The following CAP2 variants were observed in gnomAD, a reference collection of about 807,000 sequenced individuals.
The protein encoded by CAP2 is adenylyl cyclase-associated protein 2.
CAP2 carries 24 observed loss-of-function variants against 57.7 expected under a neutral mutation model. The ratio of observed to expected loss-of-function variants is 0.42; its 90% confidence interval spans 0.30 to 0.58. CAP2 has a LOEUF of 0.58. CAP2 is among the 20% of genes least tolerant of loss of function. The pLI is 0.22. For missense variants in CAP2, 501 were observed against 590.3 expected (o/e 0.85, Z 1.57); for synonymous variants, 194 against 207.2 (o/e 0.94, Z 0.55).
At chr6:17,545,935 T>G (rs1362183737) in intron 11 of CAP2, among the ~76,000 whole-genome samples, 1 of 152,228 alleles carries the variant, frequency 6.6e-6, no homozygotes, top group Non-Finnish European at 1.5e-5. Flanking sequence ...CTTAATCCAG[T>G]CTATCATTGT....
At chr6:17,554,458 A>C (rs1452495282) in intron 12 of CAP2, among the ~76,000 whole-genome samples, 1 of 152,018 alleles carries the variant, frequency 6.6e-6, no homozygotes, top group Non-Finnish European at 1.5e-5. Context: ...GGGTCTCGCT[A>C]TGTTGCCCAG....
At chr6:17,410,992 C>A (rs1227476841) in intron 1 of CAP2, among the ~76,000 whole-genome samples, 2 of 152,278 alleles carry the variant, frequency 1.3e-5, no homozygotes, top group Admixed American at 1.3e-4. Flanking sequence ...AACCTACTTT[C>A]TGTCTCTATA....
chr6:17,400,170 G>C (rs1354326295), intron 1 of CAP2, among the ~76,000 whole-genome samples: 3 of 152,106 alleles, frequency 2.0e-5, no homozygotes, highest in African/African-American at 7.2e-5. Flanking sequence ...AGGTTGCAGT[G>C]AGCCAAGATC....
chr6:17,469,269 C>A (rs1760952194), intron 4 of CAP2, among the ~76,000 whole-genome samples: 1 of 152,214 alleles, frequency 6.6e-6, no homozygotes, highest in Non-Finnish European at 1.5e-5. Flanking sequence ...AGAGAAGCAC[C>A]CGGAGGGTGG....
chr6:17,524,031 G>A (rs533254847), intron 7 of CAP2, among the ~76,000 whole-genome samples: 88 of 147,058 alleles, frequency 6.0e-4, no homozygotes, highest in African/African-American at 2.2e-3. Context: ...AGCTGAGATC[G>A]CGCCACTGCA....
At chr6:17,424,432 AATCC>A (rs1365392363) in intron 2 of CAP2, among the ~76,000 whole-genome samples, 3 of 152,312 alleles carry the variant, frequency 2.0e-5, no homozygotes, top group East Asian at 3.9e-4. Context: ...GAAGGAACAT[AATCC>A]CTTACAAATG....
At chr6:17,501,350 T>C (rs1273034232) in intron 4 of CAP2, among the ~76,000 whole-genome samples, 2 of 152,244 alleles carry the variant, frequency 1.3e-5, no homozygotes, top group Non-Finnish European at 2.9e-5. Flanking sequence ...ACACCAACTT[T>C]TAGCACTACT....
chr6:17,410,637 A>G (rs540170336), intron 1 of CAP2, among the ~76,000 whole-genome samples: 25 of 151,504 alleles, frequency 1.7e-4, no homozygotes, highest in African/African-American at 5.1e-4. Context: ...GGCTCACTGC[A>G]AGGTCTGCCT....
At position 17,428,012 on chromosome 6, in the gene CAP2, C is replaced by T. The variant is rs140772757; in HGVS notation, c.222+1322C>T. ...AGGGAGGAGAGAATAGGAAATTGTT[C>T]AATGAGTACAGAGTTTCAGTTTTCC... On this transcript the variant is annotated intron_variant, in intron 3 of 12. Coordinates refer to ENST00000229922, the MANE Select transcript of CAP2 (RefSeq NM_006366.3). Among the ~76,000 whole-genome samples, 518 of 152,234 alleles carry T rather than the reference C, an allele frequency of 3.4e-3. 2 individuals are homozygous for T. The highest frequency in any genetic ancestry group is 0.012 in the African/African-American group (482 of 41,548).
At chr6:17,531,337 C>T in intron 7 of CAP2, 3 of 1,322,936 alleles carry the variant, frequency 2.3e-6, no homozygotes, top group Non-Finnish European at 3.2e-6. Context: ...CCTTTGGGCT[C>T]ACACCATTGA....
At chr6:17,450,756 G>A (rs1760380103) in intron 3 of CAP2, among the ~76,000 whole-genome samples, 1 of 152,006 alleles carries the variant, frequency 6.6e-6, no homozygotes, top group Non-Finnish European at 1.5e-5. Context: ...TATTCAATAA[G>A]CATGCCTCCT....
At chr6:17,462,656 A>G (rs1014596184) in intron 3 of CAP2, among the ~76,000 whole-genome samples, 5 of 152,068 alleles carry the variant, frequency 3.3e-5, no homozygotes, top group Admixed American at 3.3e-4. Flanking sequence ...ATACAAATGT[A>G]CTCTTTTGCG....
At chr6:17,556,185 T>C (rs2113716490) in intron 12 of CAP2, among the ~76,000 whole-genome samples, 174 bp from the exon 13 acceptor site, 1 of 152,300 alleles carries the variant, frequency 6.6e-6, no homozygotes, top group East Asian at 1.9e-4. Flanking sequence ...ACACATGACA[T>C]ACACAAGTCT....
chr6:17,475,531 G>A (rs913000236), intron 4 of CAP2, among the ~76,000 whole-genome samples: 14 of 152,162 alleles, frequency 9.2e-5, no homozygotes, highest in Admixed American at 7.2e-4. Flanking sequence ...AAGGGACCAC[G>A]GAATGGTTCA....
At chr6:17,434,954 A>G (rs1219177629) in intron 3 of CAP2, among the ~76,000 whole-genome samples, 3 of 145,386 alleles carry the variant, frequency 2.1e-5, no homozygotes, top group Admixed American at 7.1e-5. Context: ...TGGCCATCAG[A>G]GAAATGCAAA....
chr6:17,528,902 A>G (rs970539009), intron 7 of CAP2, among the ~76,000 whole-genome samples: 2 of 152,158 alleles, frequency 1.3e-5, no homozygotes, highest in South Asian at 4.1e-4. Flanking sequence ...CTTTGTTTTT[A>G]TTGACAGAAG....
intron 7 of CAP2, among the ~76,000 whole-genome samples, chr6:17,532,741 A>C (rs7744013): frequency 0.58 from 60,844 of 105,604 alleles, 13,981 homozygotes; most frequent in East Asian, 0.61. Flanking sequence ...GAGCGATACT[A>C]AAAAAAAAAA....
chr6:17,489,453 A>G (rs1761497529), intron 4 of CAP2, among the ~76,000 whole-genome samples: 1 of 152,146 alleles, frequency 6.6e-6, no homozygotes, highest in African/African-American at 2.4e-5. Context: ...AAAACAAAAG[A>G]AAAAACAAAA....
rs532286941 is a variant in CAP2 at position 17,427,869 on chromosome 6, T to C, written c.222+1179T>C. On this transcript the variant is annotated intron_variant, in intron 3 of 12. Transcript: ENST00000229922. The stretch of plus-strand genomic sequence containing the variant: ...GTATGGATGAACCTTGAGGACATTA[T>C]GCTAAGTGAAATAAGCCAGACACAA... 2.0e-5 allele frequency among the ~76,000 whole-genome samples: 3 copies of C among 152,352 alleles called. No homozygotes were observed. In the East Asian group the frequency reaches 5.8e-4, roughly 29 times the overall value.
Sources: gnomAD v4.1 joint callset for allele counts (sites outside exome capture counted in the v4.1 genomes callset) on GRCh38, gnomAD v4.1.1 for gene constraint, MANE v1.5 for transcripts, NCBI Gene and HGNC (gene_info 2026-07-23, HGNC 2026-07-21) for gene names.